DDX10: variants seen among roughly 807,000 people sequenced by gnomAD.
DDX10 encodes the protein probable ATP-dependent RNA helicase DDX10.
In DDX10, 74 loss-of-function variants were observed where a neutral mutation model predicts 104.3. The ratio of observed to expected loss-of-function variants is 0.71; its 90% CI spans 0.59 to 0.86. The LOEUF is 0.86. Among genes scored for constraint, DDX10 ranks in the 40% least tolerant of loss-of-function variants. The pLI, the probability that DDX10 is intolerant of heterozygous loss-of-function variation, is 0.00. For synonymous variants in DDX10, 351 were observed against 353.4 expected (o/e 0.99, Z 0.08); for missense variants, 952 against 1,040.0 (o/e 0.92, Z 1.16).
At chr11:108,760,944 T>A (rs2094350177) in intron 13 of DDX10, among the ~76,000 whole-genome samples, 1 of 151,924 alleles carries the variant, frequency 6.6e-6, no homozygotes, top group East Asian at 1.9e-4. Context: ...GGTGGAAGAG[T>A]GAATAAGTAT....
intron 13 of DDX10, among the ~76,000 whole-genome samples, chr11:108,830,364 AC>A (rs1862451908): frequency 6.6e-6 from 1 of 152,098 alleles, no homozygotes; most frequent in African/African-American, 2.4e-5. Context: ...CAGCTTGGTC[AC>A]TGTTGGTGTA....
chr11:108,771,369 C>CT (rs1157041897), intron 13 of DDX10, among the ~76,000 whole-genome samples: 4 of 147,546 alleles, frequency 2.7e-5, no homozygotes, highest in East Asian at 2.0e-4. Flanking sequence ...TTCTTTTTTT[C>CT]TTTTTTTTGA....
chr11:108,932,784 G>A (rs1863990181), intron 17 of DDX10, among the ~76,000 whole-genome samples: 1 of 151,918 alleles, frequency 6.6e-6, no homozygotes, highest in African/African-American at 2.4e-5. Context: ...GGTAGTTTGT[G>A]ACAAAAATGA....
chr11:108,751,818 T>C (rs1455919441), intron 13 of DDX10, among the ~76,000 whole-genome samples: 1 of 152,222 alleles, frequency 6.6e-6, no homozygotes, highest in Non-Finnish European at 1.5e-5. Flanking sequence ...GTCGACTGTA[T>C]AACTGTCTTT....
At chr11:108,888,254 G>A (rs963414390) in intron 16 of DDX10, among the ~76,000 whole-genome samples, 1 of 152,114 alleles carries the variant, frequency 6.6e-6, no homozygotes, top group Non-Finnish European at 1.5e-5. Flanking sequence ...ATTTGAATAA[G>A]GGGTGGCAAT....
chr11:108,730,729 A>G (rs1378554042), intron 13 of DDX10, among the ~76,000 whole-genome samples: 1 of 152,142 alleles, frequency 6.6e-6, no homozygotes, highest in Non-Finnish European at 1.5e-5. Flanking sequence ...GAGCTTTATA[A>G]TTTAATTTGG....
chr11:108,890,753 T>G (rs1363312694), intron 16 of DDX10, among the ~76,000 whole-genome samples: 1 of 152,124 alleles, frequency 6.6e-6, no homozygotes, highest in Admixed American at 6.6e-5. Flanking sequence ...TGAGAACATT[T>G]ATAATAAAAT....
At chr11:108,848,483 G>A (rs1282224809) in intron 15 of DDX10, among the ~76,000 whole-genome samples, 1 of 152,042 alleles carries the variant, frequency 6.6e-6, no homozygotes, top group Non-Finnish European at 1.5e-5. Flanking sequence ...TTTCCTTCTA[G>A]TTTCAGCCCT....
intron 12 of DDX10, among the ~76,000 whole-genome samples, chr11:108,720,138 A>T (rs1047842763): frequency 1.3e-5 from 2 of 152,234 alleles, no homozygotes; most frequent in African/African-American, 2.4e-5. Flanking sequence ...CGTTAAAAGA[A>T]TCTGTTTGTT....
intron 6 of DDX10, among the ~76,000 whole-genome samples, chr11:108,681,370 G>A (rs923798482): frequency 6.6e-6 from 1 of 152,162 alleles, no homozygotes; most frequent in Non-Finnish European, 1.5e-5. Flanking sequence ...AGGTAGACAT[G>A]TATTGACATA....
chr11:108,761,372 G>T (rs1202812505), intron 13 of DDX10, among the ~76,000 whole-genome samples: 1 of 151,948 alleles, frequency 6.6e-6, no homozygotes, highest in East Asian at 1.9e-4. Context: ...AATTTTTTTT[G>T]TGTGGCCTAT....
chr11:108,896,474 A>G (rs190933058), intron 16 of DDX10, among the ~76,000 whole-genome samples: 1 of 152,224 alleles, frequency 6.6e-6, no homozygotes, highest in Admixed American at 6.5e-5. Flanking sequence ...AAATGCATAT[A>G]CTGGTATCTG....
intron 13 of DDX10, among the ~76,000 whole-genome samples, chr11:108,775,738 T>C (rs2094369034): frequency 1.3e-5 from 2 of 152,228 alleles, no homozygotes; most frequent in African/African-American, 4.8e-5. Flanking sequence ...GTACAATAAG[T>C]TAAATTTTTC....
chr11:108,864,430 G>T (rs1030084206), intron 16 of DDX10, among the ~76,000 whole-genome samples: 1 of 150,892 alleles, frequency 6.6e-6, no homozygotes, highest in African/African-American at 2.4e-5. Context: ...TATATATATA[G>T]AATAGATAGA....
chr11:108,735,560 G>C (rs1269939339), intron 13 of DDX10, among the ~76,000 whole-genome samples: 1 of 152,042 alleles, frequency 6.6e-6, no homozygotes, highest in Non-Finnish European at 1.5e-5. Context: ...GAGGTTTTAA[G>C]CATTGAAAAT....
intron 4 of DDX10, among the ~76,000 whole-genome samples, chr11:108,677,690 TC>T (rs2094227711): frequency 6.7e-6 from 1 of 148,850 alleles, no homozygotes; most frequent in Admixed American, 6.9e-5. Context: ...TTTTGTTCTA[TC>T]TTATAGCACA....
Position 108,808,237 on chromosome 11 carries a change from C to T in DDX10, c.1966-30209C>T, listed in dbSNP as rs184255692. ...TTTTTACAAATTTTTTTTCCAGTAA[C>T]TATTGTTGAAAACCATGTGTTGGGG... is the stretch of plus-strand genomic sequence containing the variant. On this transcript the variant is annotated intron_variant, in intron 13 of 17. Coordinates refer to ENST00000322536, the MANE Select transcript of DDX10 (RefSeq NM_004398.4). 1.8e-3 allele frequency among the ~76,000 whole-genome samples: 270 copies of T among 151,338 alleles called. 2 individuals carry two copies. Among genetic ancestry groups the T allele is most frequent in the Non-Finnish European group, 3.2e-3 (217 of 67,914 alleles).
intron 16 of DDX10, among the ~76,000 whole-genome samples, chr11:108,890,826 G>A (rs1281273040): frequency 2.0e-5 from 3 of 152,106 alleles, no homozygotes; most frequent in Non-Finnish European, 4.4e-5. Flanking sequence ...AAGAGCTGAA[G>A]GTTGAGACTA....
At chr11:108,871,723 T>G (rs2042677) in intron 16 of DDX10, among the ~76,000 whole-genome samples, 123,222 of 152,088 alleles carry the variant, frequency 0.81, 50,539 homozygotes, top group Non-Finnish European at 0.87. Flanking sequence ...AGGTAGGGGG[T>G]TCTGAGACCA....
Sources: allele counts gnomAD v4.1 joint callset (sites outside exome capture counted in the v4.1 genomes callset), GRCh38; gene constraint gnomAD v4.1.1; transcripts MANE v1.5; gene names NCBI Gene and HGNC (gene_info 2026-07-23, HGNC 2026-07-21).